Variants in NAMPT observed in about 807,000 individuals in gnomAD.
NAMPT encodes the protein nicotinamide phosphoribosyltransferase.
In NAMPT, 7 loss-of-function variants were observed where a neutral mutation model predicts 58.7. That is an observed-to-expected ratio of 0.12 (90% CI 0.07 to 0.22). NAMPT has a LOEUF of 0.22. NAMPT is among the 10% of genes least tolerant of loss of function. The probability of loss-of-function intolerance (pLI) is 1.00; values close to 1 mark genes in which losing one functional copy is unlikely to be tolerated. For missense variants in NAMPT, 271 were observed against 567.9 expected, an observed-to-expected ratio of 0.48 and a Z score of 5.31; for synonymous variants, 145 against 198.1, an observed-to-expected ratio of 0.73 and a Z score of 2.25.
upstream of NAMPT, chr7:106,285,387 G>T: frequency 2.3e-6 from 1 of 442,446 alleles, no homozygotes; most frequent in Non-Finnish European, 3.0e-6. Flanking sequence ...CTTTGCCAGT[G>T]CCACGAGGAG....
At position 106,284,056 on chromosome 7, in the gene NAMPT, G is replaced by A. The variant is rs187317408; in HGVS notation, c.57+772C>T. Among the ~76,000 whole-genome samples, 32 of 152,294 alleles carry A rather than the reference G, an allele frequency of 2.1e-4. 1 individual carries two copies. In the East Asian group the frequency reaches 4.6e-3, roughly 22 times the overall value. ...ATTTCCCTCTCCACATGTTCTCTAG[G>A]GTTAAAACTACAGTTCCTTTAAATC... On this transcript the variant is annotated intron_variant, in intron 1 of 10. Transcript: ENST00000222553.
At chr7:106,276,516 C>T in intron 2 of NAMPT, 1 of 153,096 alleles carries the variant, frequency 6.5e-6, no homozygotes, top group South Asian at 2.0e-4. Context: ...GATTAGCCTC[C>T]AAAAATTAAT....
At chr7:106,275,819 G>A (rs1792626547) in intron 2 of NAMPT, 1 of 152,182 alleles carries the variant, frequency 6.6e-6, no homozygotes, top group East Asian at 1.9e-4. Context: ...CGGGTCGCTT[G>A]AGAGCTCAAA....
intron 1 of NAMPT, chr7:106,284,262 G>A (rs1279108880): frequency 6.6e-6 from 1 of 152,136 alleles, no homozygotes; most frequent in South Asian, 2.1e-4. Flanking sequence ...CCAGGCGAGT[G>A]TCCTCCGCGC....
At chr7:106,282,163 G>A (rs543687280) in intron 1 of NAMPT, among the ~76,000 whole-genome samples, 9 of 151,858 alleles carry the variant, frequency 5.9e-5, no homozygotes, top group Admixed American at 5.2e-4. Context: ...CAGAAGCAGT[G>A]AAAGACAAGC....
chr7:106,264,558 A>T (rs538228867), intron 6 of NAMPT, among the ~76,000 whole-genome samples: 4 of 152,162 alleles, frequency 2.6e-5, no homozygotes, highest in African/African-American at 9.6e-5. Context: ...TCCAATGAGC[A>T]TTTCCTTTGA....
chr7:106,262,720 C>T (rs916583148), intron 7 of NAMPT, among the ~76,000 whole-genome samples: 1 of 152,080 alleles, frequency 6.6e-6, no homozygotes, highest in African/African-American at 2.4e-5. Flanking sequence ...GAGCAAGTTA[C>T]TTTAACCTTT....
At chr7:106,285,211 AG>A, upstream of NAMPT, 1 of 963,654 alleles carries the variant, frequency 1.0e-6, no homozygotes, top group Non-Finnish European at 1.3e-6. Flanking sequence ...CAGTGCGCGG[AG>A]GCGGGGCGGG....
chr7:106,261,437 A>T lies in NAMPT; in HGVS notation c.1089+151T>A, dbSNP rs1792298868. 16 of 616,846 alleles carry T rather than the reference A, an allele frequency of 2.6e-5. No homozygotes were observed. In the South Asian group the frequency reaches 4.6e-4, roughly 18 times the overall value. 38.2% of individuals were successfully genotyped at this position (616,846 alleles called of 1,614,324 possible). A position where few individuals can be genotyped will look rare whatever the true frequency, so the allele number is the denominator to read the frequency against. On this transcript the variant is annotated intron_variant, in intron 8 of 10. Transcript: ENST00000222553. ...CACCTCTGTATTTTAAACTACTATT[A>T]TTTCTAAACTTTAAGCAATGCACAG... is the stretch of plus-strand genomic sequence containing the variant.
chr7:106,282,939 TAAGATA>T (rs2115845201), intron 1 of NAMPT, among the ~76,000 whole-genome samples: 1 of 152,216 alleles, frequency 6.6e-6, no homozygotes, highest in African/African-American at 2.4e-5. Flanking sequence ...TCCTTTTTCC[TAAGATA>T]AAAAGACAAA....
At chr7:106,273,201 A>G (rs1033490124) in intron 3 of NAMPT, among the ~76,000 whole-genome samples, 7 of 152,214 alleles carry the variant, frequency 4.6e-5, no homozygotes, top group African/African-American at 9.7e-5. Context: ...ACCTGAAACT[A>G]TGAGACAGGC....
intron 6 of NAMPT, among the ~76,000 whole-genome samples, chr7:106,264,211 T>A (rs1005316312): frequency 6.6e-6 from 1 of 152,096 alleles, no homozygotes; most frequent in Non-Finnish European, 1.5e-5. Context: ...GTATTTTGTT[T>A]GCAGATTATC....
intron 8 of NAMPT, among the ~76,000 whole-genome samples, chr7:106,256,543 A>C (rs1792202121): frequency 6.6e-6 from 1 of 152,260 alleles, no homozygotes; most frequent in Non-Finnish European, 1.5e-5. Flanking sequence ...AGAAATTACA[A>C]GTACAGATGG....
chr7:106,284,889 G>A lies in NAMPT; in HGVS notation c.-5C>T. The A allele has an allele frequency of 6.3e-7, 1 of 1,583,494 alleles. No individual in the cohort carries two copies. The highest frequency in any genetic ancestry group is 8.6e-7 in the Non-Finnish European group (1 of 1,164,006). Reference sequence around the variant, plus strand: ...GGCTTCTGCCGCAGGATTCATCTCGGGCCGGAGGACAGGGGCCGCGCGCCG... The same window carrying A: ...GGCTTCTGCCGCAGGATTCATCTCGAGCCGGAGGACAGGGGCCGCGCGCCG... On this transcript the variant is annotated 5_prime_UTR_variant, in exon 1 of 11. Transcript: ENST00000222553.
chr7:106,282,437 G>C (rs1393050986), intron 1 of NAMPT, among the ~76,000 whole-genome samples: 1 of 152,150 alleles, frequency 6.6e-6, no homozygotes, highest in Non-Finnish European at 1.5e-5. Flanking sequence ...GACCCTTTGA[G>C]AAGCAACCTA....
chr7:106,284,773 C>T (rs1792837387), intron 1 of NAMPT, 55 bp downstream of exon 1: 1 of 1,393,354 alleles, frequency 7.2e-7, no homozygotes, highest in South Asian at 1.4e-5. Flanking sequence ...CCCTGCCGCG[C>T]GCTCGTCCCC....
intron 8 of NAMPT, among the ~76,000 whole-genome samples, chr7:106,258,223 C>A (rs1225984817): frequency 6.6e-6 from 1 of 152,196 alleles, no homozygotes; most frequent in African/African-American, 2.4e-5. Flanking sequence ...TACAAGAGAT[C>A]TATTCCGGAC....
intron 6 of NAMPT, among the ~76,000 whole-genome samples, chr7:106,265,603 G>GT (rs1238358249): frequency 6.7e-6 from 1 of 150,114 alleles, no homozygotes; most frequent in Non-Finnish European, 1.5e-5. Flanking sequence ...CTGCATGAGG[G>GT]TTTCCAGTAT....
intron 1 of NAMPT, among the ~76,000 whole-genome samples, chr7:106,280,686 A>AGGATT: frequency 6.6e-6 from 1 of 152,304 alleles, no homozygotes; most frequent in East Asian, 1.9e-4. Context: ...TCATGCCTGT[A>AGGATT]ATCCCAGCAC....
Sources: gnomAD v4.1 joint callset for allele counts (sites outside exome capture counted in the v4.1 genomes callset) on GRCh38, gnomAD v4.1.1 for gene constraint, MANE v1.5 for transcripts, NCBI Gene and HGNC (gene_info 2026-07-23, HGNC 2026-07-21) for gene names.